SPATA22: variants seen among roughly 807,000 people sequenced by gnomAD.
SPATA22 encodes spermatogenesis associated 22.
SPATA22 carries 29 observed loss-of-function variants against 47.8 expected under a neutral mutation model. The ratio of observed to expected loss-of-function variants is 0.61; its 90% CI spans 0.45 to 0.83. The LOEUF (loss-of-function observed/expected upper bound fraction) is 0.83, where lower values mean the gene tolerates loss of function less well. SPATA22 is among the 40% of genes least tolerant of loss of function. The pLI is 0.00. For missense variants in SPATA22, 410 were observed against 421.7 expected, an observed-to-expected ratio of 0.97 and a Z score of 0.24; for synonymous variants, 133 against 140.9, an observed-to-expected ratio of 0.94 and a Z score of 0.40.
At chr17:3,467,375 T>A (rs777835383) in intron 3 of SPATA22, 51 bp downstream of exon 3, 2 of 1,386,228 alleles carry the variant, frequency 1.4e-6, no homozygotes, top group African/African-American at 2.9e-5. Flanking sequence ...CAATTTTCTA[T>A]AATCCTAGTT....
intron 2 of SPATA22, 137 bp downstream of exon 2, chr17:3,469,146 C>T: frequency 2.2e-6 from 1 of 464,304 alleles, no homozygotes. Context: ...AGTTATTTTA[C>T]TTCCTTGGAC....
chr17:3,496,044 A>T (rs962337413), intron 1 of SPATA22, among the ~76,000 whole-genome samples: 1 of 152,240 alleles, frequency 6.6e-6, no homozygotes, highest in African/African-American at 2.4e-5. Context: ...AATCCCAGGC[A>T]GACGGAGAAG....
chr17:3,481,062 A>G (rs1467015631), intron 1 of SPATA22, among the ~76,000 whole-genome samples: 1 of 152,134 alleles, frequency 6.6e-6, no homozygotes, highest in Admixed American at 6.6e-5. Context: ...GTTTGAGGGT[A>G]CAGTGATCCA....
chr17:3,468,945 C>CAGA, intron 2 of SPATA22: 1 of 582,102 alleles, frequency 1.7e-6, no homozygotes, highest in Non-Finnish European at 2.2e-6. Flanking sequence ...ATTAGAAAGA[C>CAGA]AGAAGTGCTT....
At chr17:3,465,258 A>AG (rs1332177601) in intron 3 of SPATA22, among the ~76,000 whole-genome samples, 9 of 101,232 alleles carry the variant, frequency 8.9e-5, no homozygotes, top group South Asian at 3.4e-4. Flanking sequence ...CTGCCCGGCC[A>AG]CCACCCCGTC....
intron 5 of SPATA22, among the ~76,000 whole-genome samples, chr17:3,454,088 T>C (rs898280977): frequency 2.0e-5 from 3 of 151,548 alleles, no homozygotes; most frequent in African/African-American, 4.8e-5. Flanking sequence ...ACAATAGATA[T>C]TCCAAAAGGA....
Position 3,440,225 on chromosome 17 carries a change from T to C in SPATA22, c.1014A>G (p.Glu338=), listed in dbSNP as rs17822627. The stretch of plus-strand genomic sequence containing the variant: ...TGACAAATGCCTGGAAAGTTTTTTG[T>C]TCAGAAACAGACGCCGGTCTGACAG... ...CVSVRPASVS[E]QKTFQAFVKI... is the part of the protein sequence containing the mutation. The change falls in exon 9 of 9, where the codon GAA becomes GAG. Residue 338 remains glutamate, a synonymous_variant. Transcript: ENST00000572969. 0.21 allele frequency: 341,234 copies of C among 1,609,816 alleles called. 38,716 individuals carry two copies. Among genetic ancestry groups the C allele is most frequent in the East Asian group, 0.38 (16,834 of 44,698 alleles).
intron 1 of SPATA22, chr17:3,510,439 C>A (rs34571156): frequency 0.19 from 28,303 of 152,196 alleles, 3,257 homozygotes; most frequent in Non-Finnish European, 0.27. Context: ...CTGTTAACAA[C>A]ACTCTAGGGT....
intron 1 of SPATA22, among the ~76,000 whole-genome samples, chr17:3,509,203 CAAA>C (rs367962582): frequency 7.0e-6 from 1 of 143,482 alleles, no homozygotes; most frequent in Admixed American, 7.0e-5. Context: ...TTATTTCTTC[CAAA>C]AAAAAAAGGG....
At chr17:3,455,885 C>T (rs1292157781) in intron 5 of SPATA22, among the ~76,000 whole-genome samples, 1 of 152,018 alleles carries the variant, frequency 6.6e-6, no homozygotes, top group African/African-American at 2.4e-5. Context: ...TTACCTTGGG[C>T]AGTATGGCCA....
chr17:3,477,546 G>C (rs927431773), intron 1 of SPATA22, among the ~76,000 whole-genome samples: 1 of 151,948 alleles, frequency 6.6e-6, no homozygotes, highest in South Asian at 2.1e-4. Context: ...CTCCACCTCC[G>C]GGTTAAAGTG....
chr17:3,441,266 C>T (rs1446899802), intron 8 of SPATA22: 1 of 151,916 alleles, frequency 6.6e-6, no homozygotes, highest in African/African-American at 2.4e-5. Context: ...ATTTGCAATG[C>T]ACATAATGGA....
chr17:3,505,265 C>A (rs1263148808), intron 1 of SPATA22, among the ~76,000 whole-genome samples: 1 of 152,208 alleles, frequency 6.6e-6, no homozygotes, highest in Non-Finnish European at 1.5e-5. Flanking sequence ...GACACCGGGG[C>A]AGGTGAAGTT....
chr17:3,494,566 C>T, intron 1 of SPATA22: 2 of 897,622 alleles, frequency 2.2e-6, no homozygotes, highest in South Asian at 2.7e-5. Flanking sequence ...ATTTGATGCT[C>T]TCATTAGACA....
chr17:3,471,653 G>A (rs535603400), intron 1 of SPATA22, 29 bp downstream of exon 1: 2 of 984,686 alleles, frequency 2.0e-6, no homozygotes, highest in Admixed American at 1.2e-4. Flanking sequence ...ACCCGCCCAC[G>A]GAGTGGGGGC....
chr17:3,456,107 G>A (rs2072989217), intron 5 of SPATA22, among the ~76,000 whole-genome samples: 1 of 151,890 alleles, frequency 6.6e-6, no homozygotes, highest in South Asian at 2.1e-4. Flanking sequence ...GTCTGTTATT[G>A]GTGTATAAGA....
chr17:3,499,158 A>C, intron 1 of SPATA22: 4 of 1,531,342 alleles, frequency 2.6e-6, no homozygotes, highest in Non-Finnish European at 3.6e-6. Context: ...CCTTAAGAGT[A>C]GGGTTGTGCC....
intron 1 of SPATA22, chr17:3,481,614 C>A: frequency 6.2e-7 from 1 of 1,613,380 alleles, no homozygotes; most frequent in South Asian, 1.1e-5. Context: ...AAAAAAATGT[C>A]AGAAGATTTG....
chr17:3,503,848 G>A (rs527258806), intron 1 of SPATA22, among the ~76,000 whole-genome samples: 1 of 152,272 alleles, frequency 6.6e-6, no homozygotes, highest in South Asian at 2.1e-4. Flanking sequence ...CTTTCATGGG[G>A]TTACTGTGAG....
Sources: gnomAD v4.1 joint callset for allele counts (sites outside exome capture counted in the v4.1 genomes callset) on GRCh38, gnomAD v4.1.1 for gene constraint, MANE v1.5 for transcripts, NCBI Gene and HGNC (gene_info 2026-07-23, HGNC 2026-07-21) for gene names.